NTRK3: variants seen among roughly 807,000 people sequenced by gnomAD.
NTRK3 encodes the protein neurotrophic receptor tyrosine kinase 3.
In NTRK3, 24 loss-of-function variants were observed where a neutral mutation model predicts 91.7. The observed-to-expected ratio is 0.26, with a 90% CI of 0.19 to 0.37. The LOEUF (loss-of-function observed/expected upper bound fraction) is 0.37, where lower values mean the gene tolerates loss of function less well. NTRK3 is among the 10% of genes least tolerant of loss of function. NTRK3 has a pLI of 1.00. For synonymous variants in NTRK3, 483 were observed against 404.0 expected, an observed-to-expected ratio of 1.20 and a Z score of -2.34; for missense variants, 880 against 1,068.9, an observed-to-expected ratio of 0.82 and a Z score of 2.46.
intron 17 of NTRK3, among the ~76,000 whole-genome samples, chr15:87,901,157 A>G (rs1371327502): frequency 6.6e-6 from 1 of 152,164 alleles, no homozygotes; most frequent in Non-Finnish European, 1.5e-5. Context: ...GGGCTGCTCC[A>G]TCTCTCTTTA....
chr15:88,122,540 T>G (rs2052831410), intron 13 of NTRK3, among the ~76,000 whole-genome samples: 1 of 152,188 alleles, frequency 6.6e-6, no homozygotes. Flanking sequence ...TTTTATATCT[T>G]CCCAAACTAA....
intron 14 of NTRK3, among the ~76,000 whole-genome samples, chr15:88,009,337 G>C (rs960394333): frequency 6.6e-6 from 1 of 152,166 alleles, no homozygotes; most frequent in Admixed American, 6.5e-5. Flanking sequence ...AAAGCCAGGT[G>C]AGCAGTGTAG....
rs142558624 is a variant in NTRK3 at position 87,878,238 on chromosome 15, T to C, written c.2293-1118A>G. On this transcript the variant is annotated intron_variant, in intron 18 of 18. Transcript: ENST00000394480. ...TAGCTCAGCAGCTGAACAAATATTA[T>C]TTCCCTTCTCTGCCACCATTAGTCT... is the stretch of plus-strand genomic sequence containing the variant. Among the ~76,000 whole-genome samples, 565 of 152,306 alleles carry C rather than the reference T, an allele frequency of 3.7e-3. 2 individuals are homozygous for C. Among genetic ancestry groups the C allele is most frequent in the African/African-American group, 0.012 (514 of 41,568 alleles).
chr15:88,175,931 C>T (rs541361657), intron 5 of NTRK3, among the ~76,000 whole-genome samples: 102 of 152,154 alleles, frequency 6.7e-4, no homozygotes, highest in African/African-American at 2.4e-3. Flanking sequence ...GGGTTAGAGG[C>T]AATAGCTTAA....
At chr15:87,952,090 G>A (rs763933017) in intron 14 of NTRK3, among the ~76,000 whole-genome samples, 28 of 151,578 alleles carry the variant, frequency 1.8e-4, no homozygotes, top group Non-Finnish European at 3.5e-4. Context: ...TGGCGCCACC[G>A]CACTCCAGGC....
Position 87,963,778 on chromosome 15 carries a change from C to T in NTRK3, c.1586-23025G>A, listed in dbSNP as rs148703140. Reference sequence around the variant, plus strand: ...GGTAAATTGAGGAGCATCTGTATTACTCTTGGGGTACACATTGGTATCACC... The same window carrying T: ...GGTAAATTGAGGAGCATCTGTATTATTCTTGGGGTACACATTGGTATCACC... On this transcript the variant is annotated intron_variant, in intron 14 of 18. Coordinates refer to ENST00000394480, the Ensembl canonical transcript of NTRK3. 3.3e-5 allele frequency among the ~76,000 whole-genome samples: 5 copies of T among 152,260 alleles called. No homozygotes were observed. In the East Asian group the frequency reaches 9.6e-4, roughly 29 times the overall value.
chr15:88,032,954 G>T lies in NTRK3; in HGVS notation c.1488C>A (p.Ala496=), dbSNP rs2229910. ...TGCCAATGACCACAGTGTCGGGCCCGGCATCCAGTGACGAGGGCGTGGTGA... is the reference window on the plus strand; with the variant it reads ...TGCCAATGACCACAGTGTCGGGCCCTGCATCCAGTGACGAGGGCGTGGTGA... The change falls in exon 14 of 19, where the codon GCC becomes GCA. Residue 496 remains alanine, a synonymous_variant. Coordinates refer to ENST00000394480, the Ensembl canonical transcript of NTRK3. 368 of 1,611,944 alleles carry T rather than the reference G, an allele frequency of 2.3e-4. 1 individual carries two copies. In the East Asian group the frequency reaches 5.4e-3, roughly 24 times the overall value.
chr15:88,189,727 A>C (rs188846453), intron 3 of NTRK3, among the ~76,000 whole-genome samples: 2 of 152,298 alleles, frequency 1.3e-5, no homozygotes, highest in South Asian at 2.1e-4. Flanking sequence ...TACAGGCGTG[A>C]GCCACCATTG....
intron 14 of NTRK3, among the ~76,000 whole-genome samples, chr15:87,941,556 G>A (rs1224505094): frequency 6.6e-6 from 1 of 152,102 alleles, no homozygotes; most frequent in East Asian, 1.9e-4. Flanking sequence ...ACAGTGCCTG[G>A]TTCATGACAG....
intron 13 of NTRK3, among the ~76,000 whole-genome samples, chr15:88,041,681 C>T (rs1254750183): frequency 6.6e-6 from 1 of 152,222 alleles, no homozygotes; most frequent in Non-Finnish European, 1.5e-5. Flanking sequence ...GTGCAAAATG[C>T]AGCACCATTG....
In NTRK3 at chr15:88,120,084, C is replaced by T. The variant is rs903778356; in HGVS notation, c.1396+6187G>A. 3.3e-5 allele frequency among the ~76,000 whole-genome samples: 5 copies of T among 152,172 alleles called. No homozygotes were observed. The South Asian group carries it at 1.0e-3, about 32-fold the overall frequency. Reference sequence around the variant, plus strand: ...CCTACCTCCCTCCACCTGGAAGAAACCCTTCTCAGTCCAATGCCCCAAGGT... The same window carrying T: ...CCTACCTCCCTCCACCTGGAAGAAATCCTTCTCAGTCCAATGCCCCAAGGT... On this transcript the variant is annotated intron_variant, in intron 13 of 18. Transcript: ENST00000394480.
intron 13 of NTRK3, among the ~76,000 whole-genome samples, chr15:88,107,549 G>A (rs1286912643): frequency 1.3e-5 from 2 of 152,026 alleles, no homozygotes; most frequent in Non-Finnish European, 2.9e-5. Context: ...GGTCATGGTA[G>A]CACCCCCATC....
intron 13 of NTRK3, among the ~76,000 whole-genome samples, chr15:88,067,323 T>C (rs2046737195): frequency 6.6e-6 from 1 of 152,200 alleles, no homozygotes; most frequent in Non-Finnish European, 1.5e-5. Context: ...CCTACAATAA[T>C]TATCTATGGT....
chr15:88,213,287 T>C (rs1283892807), intron 3 of NTRK3, among the ~76,000 whole-genome samples: 1 of 152,138 alleles, frequency 6.6e-6, no homozygotes, highest in East Asian at 1.9e-4. Flanking sequence ...CCCCAGCTGT[T>C]AGGTTCACAG....
At chr15:88,174,418 T>C (rs1415987108) in intron 5 of NTRK3, among the ~76,000 whole-genome samples, 2 of 152,096 alleles carry the variant, frequency 1.3e-5, no homozygotes, top group Admixed American at 1.3e-4. Flanking sequence ...CATATACTCA[T>C]ATGGACCCAA....
At chr15:88,144,929 T>C (rs185456847) in intron 6 of NTRK3, among the ~76,000 whole-genome samples, 85 of 152,296 alleles carry the variant, frequency 5.6e-4, no homozygotes, top group Admixed American at 1.4e-3. Flanking sequence ...AAGGAATTGC[T>C]GCACACCCTC....
intron 3 of NTRK3, among the ~76,000 whole-genome samples, chr15:88,236,727 A>G (rs1257009310): frequency 1.3e-5 from 2 of 149,898 alleles, no homozygotes; most frequent in African/African-American, 4.9e-5. Flanking sequence ...AAATTCGCCC[A>G]TGAAACCAAA....
chr15:88,029,199 G>A (rs535654683), intron 14 of NTRK3, among the ~76,000 whole-genome samples: 8 of 152,300 alleles, frequency 5.3e-5, no homozygotes, highest in African/African-American at 1.9e-4. Flanking sequence ...TGCAAACTAG[G>A]AGCATCTTTA....
At chr15:88,095,742 G>C (rs1269741215) in intron 13 of NTRK3, among the ~76,000 whole-genome samples, 1 of 152,190 alleles carries the variant, frequency 6.6e-6, no homozygotes, top group East Asian at 1.9e-4. Context: ...GGATGAGGTA[G>C]GGCGTAAAGG....
Sources: allele counts gnomAD v4.1 joint callset (sites outside exome capture counted in the v4.1 genomes callset), GRCh38; gene constraint gnomAD v4.1.1; transcripts MANE v1.5; gene names NCBI Gene and HGNC (gene_info 2026-07-23, HGNC 2026-07-21).